Variants in MAPK10 observed in about 807,000 individuals in gnomAD.
The protein encoded by MAPK10 is JNK3 alpha protein kinase.
Under a neutral mutation model 59.3 loss-of-function variants are expected in MAPK10, and 25 were observed. That is an observed-to-expected ratio of 0.42 (90% CI 0.31 to 0.59). MAPK10 has a LOEUF of 0.59. Among genes scored for constraint, MAPK10 ranks in the 20% least tolerant of loss-of-function variants. MAPK10 has a pLI of 0.15. For missense variants in MAPK10, 351 were observed against 568.9 expected, an observed-to-expected ratio of 0.62 and a Z score of 3.90; for synonymous variants, 190 against 200.5, an observed-to-expected ratio of 0.95 and a Z score of 0.44.
chr4:86,574,028 T>C (rs1761670157), intron 1 of MAPK10, among the ~76,000 whole-genome samples: 1 of 152,166 alleles, frequency 6.6e-6, no homozygotes, highest in South Asian at 2.1e-4. Flanking sequence ...TAGCAGTAGG[T>C]ATATCTCCTA....
chr4:86,013,365 T>C lies in MAPK10; in HGVS notation c.*3863A>G, dbSNP rs1741986074. 6.6e-6 allele frequency: 1 copy of C among 152,202 alleles called. No individual in the cohort carries two copies. Among genetic ancestry groups the C allele is most frequent in the East Asian group, 1.9e-4 (1 of 5,192 alleles). The allele number at this position is 152,202 out of a possible 1,614,324, so 9.4% of individuals were successfully genotyped here. The stretch of plus-strand genomic sequence containing the variant: ...GGGGATTGTGAGTGGGGAGTTGGGT[T>C]CCTCTTTGGATGCAAAGTGGCTGAG... On this transcript the variant is annotated 3_prime_UTR_variant, in exon 14 of 14. Coordinates refer to ENST00000641462, the MANE Select transcript of MAPK10 (RefSeq NM_138982.4).
intron 2 of MAPK10, among the ~76,000 whole-genome samples, chr4:86,234,703 T>G (rs1186440450): frequency 6.6e-6 from 1 of 152,162 alleles, no homozygotes; most frequent in Non-Finnish European, 1.5e-5. Context: ...TCAATTTTCT[T>G]ATTAATATGG....
At chr4:86,200,323 T>A (rs1343416293) in intron 2 of MAPK10, among the ~76,000 whole-genome samples, 2 of 152,010 alleles carry the variant, frequency 1.3e-5, no homozygotes, top group Non-Finnish European at 2.9e-5. Flanking sequence ...GTGCCTTTTT[T>A]GGAAAATACT....
chr4:86,218,586 A>C (rs1445308307), intron 2 of MAPK10, among the ~76,000 whole-genome samples: 2 of 149,358 alleles, frequency 1.3e-5, no homozygotes, highest in Non-Finnish European at 3.0e-5. Flanking sequence ...AAAAAAAAAA[A>C]ACACTTTGGG....
chr4:86,107,128 G>C, intron 5 of MAPK10, 95 bp downstream of exon 5: 1 of 968,332 alleles, frequency 1.0e-6, no homozygotes, highest in Non-Finnish European at 1.6e-6. Context: ...GAATTGCAAA[G>C]CAAAGAAAGC....
intron 4 of MAPK10, among the ~76,000 whole-genome samples, chr4:86,134,028 T>C (rs2061463363): frequency 6.6e-6 from 1 of 152,226 alleles, no homozygotes; most frequent in South Asian, 2.1e-4. Flanking sequence ...GCATGCAAAC[T>C]ATCAGTCACC....
At chr4:86,510,277 T>C (rs1413493865) in intron 1 of MAPK10, among the ~76,000 whole-genome samples, 1 of 151,952 alleles carries the variant, frequency 6.6e-6, no homozygotes, top group Admixed American at 6.6e-5. Flanking sequence ...CATGCCTGGC[T>C]AATTTTTGTA....
At chr4:86,116,258 T>A (rs72662049) in intron 4 of MAPK10, among the ~76,000 whole-genome samples, 27,443 of 152,186 alleles carry the variant, frequency 0.18, 2,592 homozygotes, top group African/African-American at 0.21. Flanking sequence ...GCCAACCAGA[T>A]GGACACATTC....
chr4:86,330,319 A>G (rs990306880), intron 2 of MAPK10, among the ~76,000 whole-genome samples: 31 of 152,210 alleles, frequency 2.0e-4, no homozygotes, highest in Non-Finnish European at 4.4e-4. Context: ...GCAGGCTTTC[A>G]ACACAAATTT....
intron 10 of MAPK10, 172 bp from the exon 11 acceptor site, chr4:86,064,562 T>C (rs2046357680): frequency 6.3e-6 from 4 of 631,836 alleles, no homozygotes; most frequent in Non-Finnish European, 1.1e-5. Flanking sequence ...TTTCTTTGTG[T>C]CTCTAAGCCT....
At chr4:86,160,664 TACCTC>T (rs1213726139) in intron 3 of MAPK10, 8 of 146,956 alleles carry the variant, frequency 5.4e-5, no homozygotes, top group Non-Finnish European at 1.2e-4. Context: ...ATTTCTCACA[TACCTC>T]ACAACTTGTG....
chr4:86,243,970 T>C (rs1190441818), intron 2 of MAPK10, among the ~76,000 whole-genome samples: 3 of 152,152 alleles, frequency 2.0e-5, no homozygotes, highest in Non-Finnish European at 4.4e-5. Context: ...CCATTACAAA[T>C]GGCTCGAGTT....
At chr4:86,132,704 A>T (rs928140140) in intron 4 of MAPK10, among the ~76,000 whole-genome samples, 1 of 152,178 alleles carries the variant, frequency 6.6e-6, no homozygotes, top group African/African-American at 2.4e-5. Flanking sequence ...AATCATCGTC[A>T]GCATTAGATT....
At chr4:86,486,037 C>T (rs908358127) in intron 1 of MAPK10, among the ~76,000 whole-genome samples, 10 of 152,086 alleles carry the variant, frequency 6.6e-5, no homozygotes, top group African/African-American at 1.7e-4. Context: ...ATATGGTAGG[C>T]CATAAATTTT....
chr4:86,498,816 C>T (rs1755087475), intron 1 of MAPK10, among the ~76,000 whole-genome samples: 1 of 152,172 alleles, frequency 6.6e-6, no homozygotes, highest in South Asian at 2.1e-4. Flanking sequence ...CAGCCCTTTT[C>T]CTTTCCTTCA....
chr4:86,018,666 T>A (rs530066033), intron 13 of MAPK10, among the ~76,000 whole-genome samples: 1 of 152,340 alleles, frequency 6.6e-6, no homozygotes, highest in South Asian at 2.1e-4. Flanking sequence ...TTTACTTTTT[T>A]TCTTTGTATA....
chr4:86,511,174 A>AT (rs796866765), intron 1 of MAPK10, among the ~76,000 whole-genome samples: 162 of 151,858 alleles, frequency 1.1e-3, no homozygotes, highest in African/African-American at 3.4e-3. Flanking sequence ...TTATACATCA[A>AT]TTTTTTTTTA....
intron 1 of MAPK10, among the ~76,000 whole-genome samples, chr4:86,400,677 A>AT (rs1186662613): frequency 1.3e-4 from 20 of 152,180 alleles, no homozygotes; most frequent in Non-Finnish European, 1.5e-5. Context: ...TTATAATTCT[A>AT]TAAGATGTTA....
intron 2 of MAPK10, among the ~76,000 whole-genome samples, chr4:86,267,552 TA>T (rs1246874359): frequency 6.6e-6 from 1 of 152,176 alleles, no homozygotes; most frequent in Non-Finnish European, 1.5e-5. Context: ...TATAACATCT[TA>T]AATGATCTGT....
Sources: gnomAD v4.1 joint callset for allele counts (sites outside exome capture counted in the v4.1 genomes callset) on GRCh38, gnomAD v4.1.1 for gene constraint, MANE v1.5 for transcripts, NCBI Gene and HGNC (gene_info 2026-07-23, HGNC 2026-07-21) for gene names.